The following CLMN variants were observed in gnomAD, a reference collection of about 807,000 sequenced individuals.
The protein encoded by CLMN is calmin (calponin-like, transmembrane).
Under a neutral mutation model 92.7 loss-of-function variants are expected in CLMN, and 57 were observed. That is an observed-to-expected ratio of 0.61 (90% CI 0.50 to 0.77). CLMN has a LOEUF of 0.77. Ranked by LOEUF, CLMN falls within the 30% of genes least tolerant of loss-of-function variation. The pLI is 0.00. For synonymous variants in CLMN, 466 were observed against 470.6 expected (o/e 0.99, Z 0.13); for missense variants, 1,158 against 1,237.5 (o/e 0.94, Z 0.96).
rs139421081 is a variant in CLMN, at chr14:95,221,079, C to T, written c.324+612G>A. Reference sequence around the variant, plus strand: ...TTATGATAAAATCTCACTGTATGTGCCAATGTGTCAGGCAAGCTGGGTTTT... The same window carrying T: ...TTATGATAAAATCTCACTGTATGTGTCAATGTGTCAGGCAAGCTGGGTTTT... On this transcript the variant is annotated intron_variant, in intron 4 of 12. Coordinates refer to ENST00000298912, the MANE Select transcript of CLMN (RefSeq NM_024734.4). Among the ~76,000 whole-genome samples, 61 of 152,282 alleles carry T rather than the reference C, an allele frequency of 4.0e-4. 2 individuals are homozygous for T. In the East Asian group the frequency reaches 0.012, roughly 29 times the overall value.
At chr14:95,305,485 T>C (rs1346228917) in intron 1 of CLMN, among the ~76,000 whole-genome samples, 1 of 152,090 alleles carries the variant, frequency 6.6e-6, no homozygotes, top group Non-Finnish European at 1.5e-5. Context: ...ATATGGAATG[T>C]AAAATTGATG....
intron 1 of CLMN, among the ~76,000 whole-genome samples, chr14:95,242,589 G>A (rs28670776): frequency 0.13 from 17,757 of 133,522 alleles, 2,205 homozygotes; most frequent in African/African-American, 0.34. Flanking sequence ...TTTTTGAGAC[G>A]GAGTCTCGCT....
intron 10 of CLMN, among the ~76,000 whole-genome samples, 161 bp downstream of exon 10, chr14:95,196,337 C>T (rs1333079660): frequency 1.3e-5 from 2 of 152,190 alleles, no homozygotes; most frequent in Non-Finnish European, 2.9e-5. Context: ...GAGGGTGGGT[C>T]GGGGAACCCA....
At chr14:95,297,744 T>C (rs1900866121) in intron 1 of CLMN, among the ~76,000 whole-genome samples, 1 of 152,102 alleles carries the variant, frequency 6.6e-6, no homozygotes, top group South Asian at 2.1e-4. Flanking sequence ...CCACAATCTG[T>C]TGATCCCTTT....
Position 95,215,567 on chromosome 14 carries a change from GC to G in CLMN, c.417+73del. The G allele has an allele frequency of 2.4e-6, 3 of 1,276,122 alleles. No individual in the cohort carries two copies. The Admixed American group carries it at 5.1e-5, about 22-fold the overall frequency. 79.0% of individuals were successfully genotyped at this position (1,276,122 alleles called of 1,614,324 possible). Reference sequence around the variant, plus strand: ...AAGCCTCACTGCCTCCCTTAATCTGGCCCCACTCTCTTCTGTGGCTGCTCAG... The same window carrying G: ...AAGCCTCACTGCCTCCCTTAATCTGGCCCACTCTCTTCTGTGGCTGCTCAG... On this transcript the variant is annotated intron_variant, in intron 5 of 12. Transcript: ENST00000298912.
intron 1 of CLMN, among the ~76,000 whole-genome samples, chr14:95,309,295 A>C (rs1595121352): frequency 6.6e-6 from 1 of 152,288 alleles, no homozygotes; most frequent in Non-Finnish European, 1.5e-5. Flanking sequence ...GTGATATTTC[A>C]CATCAAGTAG....
intron 1 of CLMN, among the ~76,000 whole-genome samples, chr14:95,280,052 G>A (rs1900088601): frequency 6.6e-6 from 1 of 151,858 alleles, no homozygotes; most frequent in Non-Finnish European, 1.5e-5. Context: ...TGAGCAAGTT[G>A]TGGAAGGTTT....
At chr14:95,225,474 C>A (rs1324385658) in intron 2 of CLMN, among the ~76,000 whole-genome samples, 1 of 152,236 alleles carries the variant, frequency 6.6e-6, no homozygotes, top group Non-Finnish European at 1.5e-5. Flanking sequence ...ACAGCCCCCA[C>A]CTACCCGGCC....
At chr14:95,275,882 C>T (rs532827081) in intron 1 of CLMN, among the ~76,000 whole-genome samples, 1 of 152,196 alleles carries the variant, frequency 6.6e-6, no homozygotes, top group Admixed American at 6.5e-5. Flanking sequence ...AGGTTGGTCT[C>T]GAGCACCTGA....
chr14:95,224,878 T>C (rs151224648), intron 2 of CLMN, among the ~76,000 whole-genome samples: 147 of 152,210 alleles, frequency 9.7e-4, no homozygotes, highest in Middle Eastern at 3.4e-3. Context: ...CTGGAGGTGG[T>C]GGGACCCTTA....
At chr14:95,284,020 G>GA (rs1231728283) in intron 1 of CLMN, among the ~76,000 whole-genome samples, 1 of 152,068 alleles carries the variant, frequency 6.6e-6, no homozygotes, top group Non-Finnish European at 1.5e-5. Context: ...GGCCCAGGTG[G>GA]AAAAAATGGT....
chr14:95,263,175 G>A (rs919655490), intron 1 of CLMN, among the ~76,000 whole-genome samples: 1 of 152,222 alleles, frequency 6.6e-6, no homozygotes, highest in Admixed American at 6.5e-5. Context: ...GAGGCCTCAG[G>A]AAACTTACAA....
chr14:95,230,506 C>A (rs1897849484), intron 1 of CLMN, among the ~76,000 whole-genome samples: 1 of 152,142 alleles, frequency 6.6e-6, no homozygotes, highest in Non-Finnish European at 1.5e-5. Flanking sequence ...CAGTGATGGG[C>A]ATGAGGAGAT....
intron 2 of CLMN, among the ~76,000 whole-genome samples, chr14:95,229,120 G>C (rs761625491): frequency 1.2e-4 from 19 of 152,208 alleles, no homozygotes; most frequent in Non-Finnish European, 2.6e-4. Context: ...GAGGTGAAGT[G>C]AGTAGATAAA....
In CLMN at chr14:95,219,155, T is replaced by C. The variant is rs546229896; in HGVS notation, c.324+2536A>G. ...GTCTCTCAGGCCCACAAAAGACACT[T>C]GGTAAATGTGACCCAAATGGCTGCT... On this transcript the variant is annotated intron_variant, in intron 4 of 12. Transcript: ENST00000298912. Among the ~76,000 whole-genome samples, 56 of 152,324 alleles carry C rather than the reference T, an allele frequency of 3.7e-4. 1 individual carries two copies. The South Asian group carries it at 0.011, about 29-fold the overall frequency.
chr14:95,223,469 TA>T (rs11287630), intron 3 of CLMN, among the ~76,000 whole-genome samples: 1,970 of 152,328 alleles, frequency 0.013, 41 homozygotes, highest in African/African-American at 0.045. Context: ...TTCTAGTTTA[TA>T]TAATGGCTGG....
chr14:95,285,379 T>C (rs1900301546), intron 1 of CLMN, among the ~76,000 whole-genome samples: 1 of 152,168 alleles, frequency 6.6e-6, no homozygotes, highest in South Asian at 2.1e-4. Context: ...ATATATCCAT[T>C]AGAATCAATC....
chr14:95,254,513 G>A (rs146597728), intron 1 of CLMN, among the ~76,000 whole-genome samples: 54 of 152,142 alleles, frequency 3.5e-4, no homozygotes, highest in African/African-American at 1.2e-3. Flanking sequence ...CCGAAGCCTC[G>A]TGCACACACA....
intron 5 of CLMN, among the ~76,000 whole-genome samples, chr14:95,213,645 G>A (rs931549318): frequency 9.2e-5 from 14 of 152,146 alleles, no homozygotes; most frequent in South Asian, 4.2e-4. Context: ...AGGGAGGACC[G>A]TCTTTTCCTG....
Sources: allele counts gnomAD v4.1 joint callset (sites outside exome capture counted in the v4.1 genomes callset), GRCh38; gene constraint gnomAD v4.1.1; transcripts MANE v1.5; gene names NCBI Gene and HGNC (gene_info 2026-07-23, HGNC 2026-07-21).